The following ADAMTS12 variants were observed in gnomAD, a reference collection of about 807,000 sequenced individuals.
The protein encoded by ADAMTS12 is A disintegrin and metalloproteinase with thrombospondin motifs 12.
ADAMTS12 carries 118 observed loss-of-function variants against 167.8 expected under a neutral mutation model. That is an observed-to-expected ratio of 0.70 (90% CI 0.61 to 0.82). The LOEUF (loss-of-function observed/expected upper bound fraction) is 0.82, where lower values mean the gene tolerates loss of function less well. Ranked by LOEUF, ADAMTS12 falls within the 40% of genes least tolerant of loss-of-function variation. ADAMTS12 has a pLI of 0.00. For synonymous variants in ADAMTS12, 704 were observed against 716.9 expected, an observed-to-expected ratio of 0.98 and a Z score of 0.29; for missense variants, 1,916 against 1,998.8, an observed-to-expected ratio of 0.96 and a Z score of 0.79.
chr5:33,840,782 A>AG (rs1299546661), intron 2 of ADAMTS12, among the ~76,000 whole-genome samples: 1 of 152,210 alleles, frequency 6.6e-6, no homozygotes, highest in Non-Finnish European at 1.5e-5. Flanking sequence ...CTCGGCCTGC[A>AG]GGTGCAGCCC....
intron 3 of ADAMTS12, among the ~76,000 whole-genome samples, chr5:33,696,356 G>A (rs1742768987): frequency 6.7e-6 from 1 of 149,312 alleles, no homozygotes; most frequent in East Asian, 2.0e-4. Context: ...GGGAGGCAGA[G>A]CTTGCAGTGA....
At chr5:33,741,394 G>C (rs537540177) in intron 3 of ADAMTS12, among the ~76,000 whole-genome samples, 4 of 152,214 alleles carry the variant, frequency 2.6e-5, no homozygotes, top group African/African-American at 7.2e-5. Flanking sequence ...ACATGCTTGC[G>C]TCCAGATTTC....
chr5:33,869,287 C>T (rs1561318711), intron 2 of ADAMTS12, among the ~76,000 whole-genome samples: 2 of 152,140 alleles, frequency 1.3e-5, no homozygotes, highest in African/African-American at 2.4e-5. Context: ...GTGGCTTCCA[C>T]GTGGTGTTAT....
At chr5:33,778,025 G>C (rs1212442059) in intron 2 of ADAMTS12, among the ~76,000 whole-genome samples, 1 of 151,792 alleles carries the variant, frequency 6.6e-6, no homozygotes, top group Non-Finnish European at 1.5e-5. Context: ...AATTGAAAAA[G>C]ACATAAATAA....
At chr5:33,608,731 G>C (rs563159108) in intron 16 of ADAMTS12, among the ~76,000 whole-genome samples, 43 of 152,316 alleles carry the variant, frequency 2.8e-4, no homozygotes, top group African/African-American at 9.9e-4. Context: ...GCATCACTCG[G>C]TCAGAAAGGC....
intron 3 of ADAMTS12, among the ~76,000 whole-genome samples, chr5:33,724,938 A>G (rs1743927749): frequency 6.6e-6 from 1 of 152,042 alleles, no homozygotes; most frequent in Admixed American, 6.6e-5. Context: ...ACTCTTTCCA[A>G]TCTCAGCCAT....
intron 2 of ADAMTS12, among the ~76,000 whole-genome samples, chr5:33,762,904 AG>A (rs1179296033): frequency 1.3e-5 from 2 of 152,162 alleles, no homozygotes; most frequent in Non-Finnish European, 2.9e-5. Context: ...GTAGGAGGTA[AG>A]ATCATCTGCT....
chr5:33,691,537 C>T (rs996620861), intron 3 of ADAMTS12, among the ~76,000 whole-genome samples: 1 of 152,336 alleles, frequency 6.6e-6, no homozygotes, highest in Admixed American at 6.5e-5. Flanking sequence ...CAGTTTCCAT[C>T]TTGCCGGAAC....
intron 16 of ADAMTS12, among the ~76,000 whole-genome samples, chr5:33,609,827 T>C (rs1738636050): frequency 6.6e-6 from 1 of 152,102 alleles, no homozygotes; most frequent in African/African-American, 2.4e-5. Flanking sequence ...AATAATTCAG[T>C]CTTAATAAAG....
chr5:33,551,008 C>G lies in ADAMTS12; in HGVS notation c.4126-1625G>C, dbSNP rs766789424. On this transcript the variant is annotated intron_variant, in intron 20 of 23. Transcript: ENST00000504830. ...ATCCTTCCATCAATGATCTCATTGG[C>G]AGTCTTGGCTGAGGAAACAAGTCAC... Among the ~76,000 whole-genome samples, 2 of 152,146 alleles carry G rather than the reference C, an allele frequency of 1.3e-5. 1 individual carries two copies. The highest frequency in any genetic ancestry group is 4.1e-4 in the South Asian group (2 of 4,822).
intron 18 of ADAMTS12, among the ~76,000 whole-genome samples, chr5:33,579,072 A>T (rs1456159604): frequency 2.0e-5 from 3 of 152,168 alleles, no homozygotes; most frequent in African/African-American, 7.2e-5. Flanking sequence ...TCCATGACTC[A>T]CTTCTCCCTG....
intron 1 of ADAMTS12, among the ~76,000 whole-genome samples, chr5:33,888,870 T>C (rs1271517982): frequency 6.6e-6 from 1 of 152,214 alleles, no homozygotes; most frequent in East Asian, 1.9e-4. Flanking sequence ...AACTGAGCAA[T>C]GTGGAAAGAA....
At chr5:33,627,418 T>C (rs1270723009) in intron 13 of ADAMTS12, among the ~76,000 whole-genome samples, 3 of 148,480 alleles carry the variant, frequency 2.0e-5, no homozygotes, top group East Asian at 4.0e-4. Context: ...GTGGTGATGG[T>C]TGGGTGATAA....
At chr5:33,552,041 G>A (rs77984506) in intron 20 of ADAMTS12, among the ~76,000 whole-genome samples, 3,373 of 152,234 alleles carry the variant, frequency 0.022, 130 homozygotes, top group African/African-American at 0.077. Flanking sequence ...AAACCAAACA[G>A]GTCTGATAGT....
intron 1 of ADAMTS12, among the ~76,000 whole-genome samples, chr5:33,882,227 T>C (rs1750472833): frequency 6.6e-6 from 1 of 152,128 alleles, no homozygotes; most frequent in Non-Finnish European, 1.5e-5. Flanking sequence ...CATGGAGAAC[T>C]CATCATATGC....
chr5:33,649,829 T>A, intron 7 of ADAMTS12, 132 bp from the exon 8 acceptor site: 1 of 1,221,124 alleles, frequency 8.2e-7, no homozygotes, highest in South Asian at 1.6e-5. Flanking sequence ...GTTTGCAAAG[T>A]GAGACTTTGA....
intron 19 of ADAMTS12, among the ~76,000 whole-genome samples, chr5:33,561,746 A>C (rs1437662109): frequency 6.6e-6 from 1 of 152,198 alleles, no homozygotes; most frequent in Non-Finnish European, 1.5e-5. Context: ...GCACCACTGC[A>C]CTCCAGCCTA....
rs74361309 is a variant in ADAMTS12 at position 33,632,900 on chromosome 5, G to A, written c.1889-1987C>T. ...GTTGGGACCAGAGCATGTTCATTGC[G>A]GCAACGGAATGTTTATTCAGAGAGA... On this transcript the variant is annotated intron_variant, in intron 12 of 23. Coordinates refer to ENST00000504830, the MANE Select transcript of ADAMTS12 (RefSeq NM_030955.4). 1.2e-3 allele frequency among the ~76,000 whole-genome samples: 185 copies of A among 152,148 alleles called. 3 individuals carry two copies. In the East Asian group the frequency reaches 0.03, roughly 25 times the overall value.
chr5:33,528,600 G>C (rs1189084527), intron 23 of ADAMTS12, among the ~76,000 whole-genome samples: 1 of 152,178 alleles, frequency 6.6e-6, no homozygotes, highest in East Asian at 1.9e-4. Context: ...AATGACGAAA[G>C]TAAGGCCTCA....
Sources: allele counts gnomAD v4.1 joint callset (sites outside exome capture counted in the v4.1 genomes callset), GRCh38; gene constraint gnomAD v4.1.1; transcripts MANE v1.5; gene names NCBI Gene and HGNC (gene_info 2026-07-23, HGNC 2026-07-21).